The following AOPEP variants were observed in gnomAD, a reference collection of about 807,000 sequenced individuals.
The protein encoded by AOPEP is aminopeptidase O (putative), also known as aminopeptidase O.
AOPEP carries 77 observed loss-of-function variants against 98.1 expected under a neutral mutation model. That is an observed-to-expected ratio of 0.78 (90% CI 0.65 to 0.95). AOPEP has a LOEUF of 0.95. Among genes scored for constraint, AOPEP ranks in the 40% least tolerant of loss-of-function variants. The pLI is 0.00. For missense variants in AOPEP, 1,024 were observed against 1,024.7 expected (o/e 1.00, Z 0.01); for synonymous variants, 346 against 365.3 (o/e 0.95, Z 0.60).
chr9:95,057,528 G>A (rs951806836), intron 13 of AOPEP, among the ~76,000 whole-genome samples: 2 of 152,212 alleles, frequency 1.3e-5, no homozygotes, highest in African/African-American at 4.8e-5. Context: ...GGCTTTACGG[G>A]GAGCAAATGT....
At chr9:94,742,471 C>T (rs546148384) in intron 1 of AOPEP, among the ~76,000 whole-genome samples, 5 of 151,258 alleles carry the variant, frequency 3.3e-5, no homozygotes, top group South Asian at 2.1e-4. Flanking sequence ...CTCACTCTGT[C>T]GCCAGGCTGA....
chr9:94,728,081 A>G (rs764326571), intron 1 of AOPEP, among the ~76,000 whole-genome samples: 1 of 152,254 alleles, frequency 6.6e-6, no homozygotes, highest in Non-Finnish European at 1.5e-5. Context: ...CTCAAATTTT[A>G]GGCTTTTTAC....
chr9:94,878,796 C>T (rs753155619), intron 5 of AOPEP, among the ~76,000 whole-genome samples: 37 of 152,202 alleles, frequency 2.4e-4, no homozygotes, highest in Non-Finnish European at 3.2e-4. Flanking sequence ...TTCTTTCAGC[C>T]TTTCTGTAAC....
At chr9:94,859,861 A>G (rs1336692901) in intron 5 of AOPEP, among the ~76,000 whole-genome samples, 1 of 152,240 alleles carries the variant, frequency 6.6e-6, no homozygotes, top group East Asian at 1.9e-4. Flanking sequence ...TTTTCTGTAA[A>G]CTAATTGATA....
chr9:94,874,741 A>G (rs2046727159), intron 5 of AOPEP, among the ~76,000 whole-genome samples: 1 of 152,196 alleles, frequency 6.6e-6, no homozygotes. Context: ...ATTCCCAATA[A>G]CACATGCTAC....
the AOPEP span, chr9:95,149,890 G>A: frequency 2.0e-4 from 318 of 1,568,796 alleles, no homozygotes; most frequent in African/African-American, 3.7e-3. Context: ...AAGGAAAAAC[G>A]ACGCAGGATG....
intron 1 of AOPEP, among the ~76,000 whole-genome samples, chr9:94,752,446 C>T (rs938006957): frequency 6.6e-6 from 1 of 151,922 alleles, no homozygotes; most frequent in Non-Finnish European, 1.5e-5. Context: ...ATGCTAATAA[C>T]AAAATTCTTT....
At chr9:94,872,278 G>A (rs372925667) in intron 5 of AOPEP, among the ~76,000 whole-genome samples, 5 of 152,136 alleles carry the variant, frequency 3.3e-5, no homozygotes, top group African/African-American at 7.2e-5. Context: ...TTCTTCAGTC[G>A]TGTTTTTCTT....
At chr9:94,760,631 G>A (rs753418720) in intron 2 of AOPEP, 51 bp downstream of exon 2, 4 of 1,422,270 alleles carry the variant, frequency 2.8e-6, no homozygotes, top group Non-Finnish European at 3.8e-6. Context: ...CTTGTACGCT[G>A]CGGGGATGCT....
intron 5 of AOPEP, among the ~76,000 whole-genome samples, chr9:94,840,823 G>A (rs1476239655): frequency 6.6e-6 from 1 of 151,650 alleles, no homozygotes; most frequent in East Asian, 1.9e-4. Flanking sequence ...ATGTCTTCAT[G>A]GTTTTTAGTG....
intron 13 of AOPEP, among the ~76,000 whole-genome samples, chr9:95,011,286 C>T (rs552707713): frequency 6.7e-6 from 1 of 149,048 alleles, no homozygotes; most frequent in South Asian, 2.1e-4. Flanking sequence ...ACCTCCACCT[C>T]GCGGGTTCCA....
intron 10 of AOPEP, among the ~76,000 whole-genome samples, chr9:94,977,948 A>G (rs1483101217): frequency 2.0e-5 from 3 of 152,148 alleles, no homozygotes; most frequent in African/African-American, 7.2e-5. Context: ...TTGCCTTTTT[A>G]AGCAGCCTTT....
chr9:95,111,727 G>A, the AOPEP span: 26 of 1,500,946 alleles, frequency 1.7e-5, no homozygotes, highest in Middle Eastern at 1.4e-3. Flanking sequence ...GCCAACGGTT[G>A]GCTTAAATTG....
At chr9:94,897,987 G>A (rs754219557) in intron 5 of AOPEP, among the ~76,000 whole-genome samples, 1 of 151,874 alleles carries the variant, frequency 6.6e-6, no homozygotes, top group Non-Finnish European at 1.5e-5. Flanking sequence ...TTACAAGCGC[G>A]CACCACCATG....
At chr9:94,740,321 T>C (rs1832778483) in intron 1 of AOPEP, among the ~76,000 whole-genome samples, 1 of 152,160 alleles carries the variant, frequency 6.6e-6, no homozygotes, top group Non-Finnish European at 1.5e-5. Flanking sequence ...GACGTGGTTG[T>C]GGACTGTGGA....
chr9:94,754,151 A>C (rs533943215), intron 1 of AOPEP, among the ~76,000 whole-genome samples: 54 of 152,208 alleles, frequency 3.5e-4, no homozygotes, highest in Non-Finnish European at 5.4e-4. Context: ...AAAACAGTAT[A>C]TTTGAACTTC....
At chr9:95,088,175 C>T (rs912214559), downstream of AOPEP, among the ~76,000 whole-genome samples, 46 of 151,886 alleles carry the variant, frequency 3.0e-4, no homozygotes, top group African/African-American at 9.9e-4. Flanking sequence ...TTAGAATGAA[C>T]GATGCTTTCT....
Position 94,967,749 on chromosome 9 carries a change from TA to T in AOPEP, c.1873-7del. 2 of 1,612,042 alleles carry T rather than the reference TA, an allele frequency of 1.2e-6. No individual in the cohort carries two copies. Among genetic ancestry groups the T allele is most frequent in the Non-Finnish European group, 8.5e-7 (1 of 1,178,074 alleles). On this transcript the variant is annotated splice_region_variant and splice_polypyrimidine_tract_variant and intron_variant, in intron 9 of 16. Coordinates refer to ENST00000375315, the MANE Select transcript of AOPEP (RefSeq NM_001193329.3). ...GACATCTTTAATGATTTGCTTTTTTTAATCCCAGGATTTCCTTCAAATGCTA... is the reference window on the plus strand; with the variant it reads ...GACATCTTTAATGATTTGCTTTTTTTATCCCAGGATTTCCTTCAAATGCTA...
intron 5 of AOPEP, among the ~76,000 whole-genome samples, chr9:94,884,666 C>T (rs116743010): frequency 6.6e-6 from 1 of 152,140 alleles, no homozygotes; most frequent in Non-Finnish European, 1.5e-5. Flanking sequence ...TACTACCATA[C>T]CTATCTCACA....
Sources: gnomAD v4.1 joint callset for allele counts (sites outside exome capture counted in the v4.1 genomes callset) on GRCh38, gnomAD v4.1.1 for gene constraint, MANE v1.5 for transcripts, NCBI Gene and HGNC (gene_info 2026-07-23, HGNC 2026-07-21) for gene names.